Variants in XXYLT1 observed in about 807,000 individuals in gnomAD.
XXYLT1 encodes UDP-xylose:alpha-xyloside alpha-1,3-xylosyltransferase.
XXYLT1 carries 20 observed loss-of-function variants against 28.9 expected under a neutral mutation model. The observed-to-expected ratio is 0.69, with a 90% confidence interval of 0.49 to 1.00. The LOEUF (loss-of-function observed/expected upper bound fraction) is 1.00. Ranked by LOEUF, XXYLT1 falls within the 50% of genes least tolerant of loss-of-function variation. The probability of loss-of-function intolerance (pLI) is 0.00; values close to 1 mark genes in which losing one functional copy is unlikely to be tolerated. For synonymous variants in XXYLT1, 257 were observed against 253.8 expected (o/e 1.01, Z -0.12); for missense variants, 542 against 560.1 (o/e 0.97, Z 0.33).
rs1002309527 is a variant in XXYLT1 at position 195,240,376 on chromosome 3, T to C, written c.505-13520A>G. On this transcript the variant is annotated intron_variant, in intron 1 of 3. Coordinates refer to ENST00000310380, the MANE Select transcript of XXYLT1 (RefSeq NM_152531.5). The surrounding 1 kb of genome is among the most constrained non-coding windows in gnomAD (Gnocchi z 4.7). The stretch of plus-strand genomic sequence containing the variant: ...CACCCAGCCCTGTGCTCGCTGGCAC[T>C]GAGATGCCTGAGAGCCAGGCCACCG... Among the ~76,000 whole-genome samples, 2 of 152,214 alleles carry C rather than the reference T, an allele frequency of 1.3e-5. No homozygotes were observed. The highest frequency in any genetic ancestry group is 2.9e-5 in the Non-Finnish European group (2 of 68,026).
At chr3:195,202,043 GGT>G (rs1164224048) in intron 2 of XXYLT1, among the ~76,000 whole-genome samples, 316 of 152,112 alleles carry the variant, frequency 2.1e-3, no homozygotes, top group Non-Finnish European at 2.6e-3. Flanking sequence ...CAGGTGTGGT[GGT>G]GTGCACCTGT....
intron 1 of XXYLT1, among the ~76,000 whole-genome samples, chr3:195,259,829 G>A (rs1725616891): frequency 6.6e-6 from 1 of 152,210 alleles, no homozygotes; most frequent in South Asian, 2.1e-4. Flanking sequence ...TCCCACACTG[G>A]CTGCGGAGGC....
intron 3 of XXYLT1, among the ~76,000 whole-genome samples, chr3:195,080,203 C>T (rs1158013627): frequency 6.6e-6 from 1 of 152,212 alleles, no homozygotes; most frequent in Non-Finnish European, 1.5e-5. Context: ...GAATCCACAT[C>T]TGTGACGAAG....
intron 2 of XXYLT1, among the ~76,000 whole-genome samples, chr3:195,159,975 G>A (rs553297366): frequency 1.8e-4 from 27 of 152,110 alleles, no homozygotes; most frequent in Non-Finnish European, 3.1e-4. Context: ...GGGCCAACTC[G>A]GCTCATCATC....
Position 195,195,537 on chromosome 3 carries a change from T to A in XXYLT1, c.652+31172A>T, listed in dbSNP as rs1386113416. On this transcript the variant is annotated intron_variant, in intron 2 of 3. Coordinates refer to ENST00000310380, the MANE Select transcript of XXYLT1 (RefSeq NM_152531.5). This position sits in a 1 kb window ranked among gnomAD's most constrained non-coding sequence, Gnocchi z 4.4. ...AAATAAAAGGACTCTCTTTTCTGTG[T>A]GTTCCTTTGTTCCTGGAACCATCTA... is the stretch of plus-strand genomic sequence containing the variant. 6.6e-6 allele frequency among the ~76,000 whole-genome samples: 1 copy of A among 152,248 alleles called. No individual in the cohort carries two copies.
intron 2 of XXYLT1, among the ~76,000 whole-genome samples, chr3:195,160,564 T>C (rs535074356): frequency 3.3e-5 from 5 of 152,352 alleles, no homozygotes; most frequent in African/African-American, 9.6e-5. Context: ...TGCAGCAATA[T>C]GCCACCTGCC....
intron 3 of XXYLT1, among the ~76,000 whole-genome samples, chr3:195,149,092 A>ATACCAAGAGACCAGCAACATT (rs1720037492): frequency 6.6e-6 from 1 of 152,248 alleles, no homozygotes; most frequent in African/African-American, 2.4e-5. Context: ...AAGAAAAATC[A>ATACCAAGAGACCAGCAACATT]TACCAAGAGA....
intron 3 of XXYLT1, among the ~76,000 whole-genome samples, chr3:195,112,584 C>G (rs1443301056): frequency 2.4e-5 from 3 of 125,710 alleles, no homozygotes; most frequent in African/African-American, 9.6e-5. Flanking sequence ...CACACGCACG[C>G]ACACACACAC....
chr3:195,143,797 TA>T (rs1719622581), intron 3 of XXYLT1, among the ~76,000 whole-genome samples: 1 of 107,250 alleles, frequency 9.3e-6, no homozygotes, highest in Admixed American at 1.0e-4. Flanking sequence ...TATATATATA[TA>T]TAGATAGATA....
chr3:195,178,410 A>G (rs1459421188), intron 2 of XXYLT1, among the ~76,000 whole-genome samples: 1 of 152,074 alleles, frequency 6.6e-6, no homozygotes, highest in Non-Finnish European at 1.5e-5. Flanking sequence ...AGAAAACCCT[A>G]TTATGTGGTC....
At chr3:195,158,828 G>C (rs138206554) in intron 2 of XXYLT1, among the ~76,000 whole-genome samples, 1 of 152,336 alleles carries the variant, frequency 6.6e-6, no homozygotes, top group East Asian at 1.9e-4. Context: ...CTGCTGAAGA[G>C]AAAGATGCTT....
chr3:195,102,569 T>C (rs1429905009), intron 3 of XXYLT1, among the ~76,000 whole-genome samples: 2 of 152,234 alleles, frequency 1.3e-5, no homozygotes, highest in African/African-American at 2.4e-5. Flanking sequence ...GTCTGGCTTA[T>C]TTCACTTAGC....
intron 3 of XXYLT1, among the ~76,000 whole-genome samples, chr3:195,149,858 G>A (rs1047246731): frequency 5.3e-5 from 8 of 152,190 alleles, no homozygotes; most frequent in Admixed American, 2.6e-4. Context: ...CCGCAGAAGC[G>A]GGAAGGAGGG....
At chr3:195,169,889 G>C (rs985330988) in intron 2 of XXYLT1, among the ~76,000 whole-genome samples, 1 of 147,812 alleles carries the variant, frequency 6.8e-6, no homozygotes, top group African/African-American at 2.5e-5. Flanking sequence ...TTTTGAGATG[G>C]AGTTTTGCTC....
Position 195,077,892 on chromosome 3 carries a change from GT to G in XXYLT1, c.786-7782del, listed in dbSNP as rs1000749931. On this transcript the variant is annotated intron_variant, in intron 3 of 3. Coordinates refer to ENST00000310380, the MANE Select transcript of XXYLT1 (RefSeq NM_152531.5). This position sits in a 1 kb window ranked among gnomAD's most constrained non-coding sequence, Gnocchi z 4.8. ...GCTCCCCGTGCCCAGCCTGCCTGGG[GT>G]TGTCAGTCACGTGACCTTCCCCCAG... is the stretch of plus-strand genomic sequence containing the variant. Among the ~76,000 whole-genome samples, 25 of 152,166 alleles carry G rather than the reference GT, an allele frequency of 1.6e-4. No homozygotes were observed. The highest frequency in any genetic ancestry group is 6.0e-4 in the African/African-American group (25 of 41,444).
chr3:195,157,755 G>A (rs1720678232), intron 2 of XXYLT1, among the ~76,000 whole-genome samples: 1 of 152,202 alleles, frequency 6.6e-6, no homozygotes. Flanking sequence ...CAAAGAGGGG[G>A]CGCATGGGGT....
At position 195,150,617 on chromosome 3, in the gene XXYLT1, G is replaced by A. The variant is rs1720151548; in HGVS notation, c.785+5832C>T. ...GGAATAGCCTGCCGCTTCCTCCTCAGGGTGGGCCGGGGCTCACACAGCACA... is the reference window on the plus strand; with the variant it reads ...GGAATAGCCTGCCGCTTCCTCCTCAAGGTGGGCCGGGGCTCACACAGCACA... On this transcript the variant is annotated intron_variant, in intron 3 of 3. Coordinates refer to ENST00000310380, the MANE Select transcript of XXYLT1 (RefSeq NM_152531.5). This position sits in a 1 kb window ranked among gnomAD's most constrained non-coding sequence, Gnocchi z 4.7. 6.6e-6 allele frequency among the ~76,000 whole-genome samples: 1 copy of A among 152,178 alleles called. No homozygotes were observed. The highest frequency in any genetic ancestry group is 2.1e-4 in the South Asian group (1 of 4,830).
chr3:195,113,467 TA>T (rs754001470), intron 3 of XXYLT1, among the ~76,000 whole-genome samples: 2 of 152,246 alleles, frequency 1.3e-5, no homozygotes, highest in African/African-American at 4.8e-5. Flanking sequence ...ATCCTTAACA[TA>T]GGGGGAAACT....
intron 2 of XXYLT1, among the ~76,000 whole-genome samples, chr3:195,172,867 T>C (rs1721478476): frequency 6.6e-6 from 1 of 152,152 alleles, no homozygotes; most frequent in Admixed American, 6.5e-5. Flanking sequence ...AAGGAATGCA[T>C]TTAGCACATT....
Sources: allele counts gnomAD v4.1 joint callset (sites outside exome capture counted in the v4.1 genomes callset), GRCh38; gene constraint gnomAD v4.1.1; non-coding constraint Gnocchi (gnomAD v3.1); transcripts MANE v1.5; gene names NCBI Gene and HGNC (gene_info 2026-07-23, HGNC 2026-07-21).